Variants in GFRA1 observed in about 807,000 individuals in gnomAD.
GFRA1 encodes the protein GDNF family receptor alpha 1.
Under a neutral mutation model 51.6 loss-of-function variants are expected in GFRA1, and 16 were observed. The ratio of observed to expected loss-of-function variants is 0.31; its 90% CI spans 0.21 to 0.47. The LOEUF (loss-of-function observed/expected upper bound fraction) is 0.47, where lower values mean the gene tolerates loss of function less well. Ranked by LOEUF, GFRA1 falls within the 20% of genes least tolerant of loss-of-function variation. GFRA1 has a pLI of 1.00. For missense variants in GFRA1, 530 were observed against 594.3 expected (o/e 0.89, Z 1.13); for synonymous variants, 270 against 241.3 (o/e 1.12, Z -1.10).
chr10:116,217,358 C>T (rs1300230124), intron 4 of GFRA1, among the ~76,000 whole-genome samples: 1 of 152,208 alleles, frequency 6.6e-6, no homozygotes, highest in East Asian at 1.9e-4. Context: ...ATAGGAATAT[C>T]ATGAGGATCA....
chr10:116,148,629 G>A (rs1030389224), intron 5 of GFRA1, among the ~76,000 whole-genome samples: 1 of 152,150 alleles, frequency 6.6e-6, no homozygotes, highest in Non-Finnish European at 1.5e-5. Context: ...CACCCTGCCA[G>A]GACTCCCACG....
intron 4 of GFRA1, among the ~76,000 whole-genome samples, chr10:116,228,391 ACTCT>A (rs1025337644): frequency 3.9e-5 from 6 of 151,904 alleles, no homozygotes; most frequent in Non-Finnish European, 7.4e-5. Context: ...AGTCTAACCC[ACTCT>A]CTATTTCTGG....
chr10:116,271,233 G>C (rs556362225), intron 2 of GFRA1, 118 bp from the exon 3 acceptor site: 17 of 763,684 alleles, frequency 2.2e-5, no homozygotes, highest in Admixed American at 1.2e-4. Flanking sequence ...GGGGCGCCCT[G>C]CTCTGGGAGC....
intron 4 of GFRA1, among the ~76,000 whole-genome samples, chr10:116,268,207 T>C (rs796973898): frequency 3.6e-4 from 55 of 152,298 alleles, no homozygotes; most frequent in African/African-American, 1.3e-3. Context: ...TCAAACAAAT[T>C]TGAGTTTCAG....
At chr10:116,127,419 C>T (rs1194455323) in intron 5 of GFRA1, among the ~76,000 whole-genome samples, 3 of 152,304 alleles carry the variant, frequency 2.0e-5, no homozygotes, top group Middle Eastern at 6.8e-3. Flanking sequence ...ACCATTATTC[C>T]CTGGCGCCAT....
At position 116,072,860 on chromosome 10, in the gene GFRA1, C is replaced by T. The variant is rs1955463651; in HGVS notation, c.1198-7234G>A. Among the ~76,000 whole-genome samples, 3 of 152,250 alleles carry T rather than the reference C, an allele frequency of 2.0e-5. No homozygotes were observed. The South Asian group carries it at 6.2e-4, about 32-fold the overall frequency. On this transcript the variant is annotated intron_variant, in intron 9 of 10. Transcript: ENST00000355422. ...CATCCATGATTCCAGTCATTCCTGC[C>T]CTACTGTCCAAATCACAGGGTTGTG...
intron 5 of GFRA1, among the ~76,000 whole-genome samples, chr10:116,182,005 T>G (rs1962277581): frequency 6.6e-6 from 1 of 152,082 alleles, no homozygotes; most frequent in Non-Finnish European, 1.5e-5. Flanking sequence ...TAGTGAAATA[T>G]CATTTGCATT....
intron 5 of GFRA1, among the ~76,000 whole-genome samples, chr10:116,141,843 C>T (rs1296263061): frequency 6.6e-6 from 1 of 152,062 alleles, no homozygotes; most frequent in Non-Finnish European, 1.5e-5. Context: ...CTCAGCCTCC[C>T]AAATTGCTGG....
At chr10:116,197,303 C>T (rs1469191172) in intron 5 of GFRA1, among the ~76,000 whole-genome samples, 2 of 152,132 alleles carry the variant, frequency 1.3e-5, no homozygotes, top group African/African-American at 4.8e-5. Context: ...CATAAGGACA[C>T]AGCTAGAAGG....
chr10:116,270,561 G>A (rs539632486), intron 3 of GFRA1, among the ~76,000 whole-genome samples: 4 of 152,324 alleles, frequency 2.6e-5, no homozygotes, highest in African/African-American at 9.6e-5. Flanking sequence ...GCTCCGACCA[G>A]GTTTCAGAGA....
At chr10:116,125,744 T>G (rs185718874) in intron 5 of GFRA1, among the ~76,000 whole-genome samples, 187 bp from the exon 6 acceptor site, 170 of 152,078 alleles carry the variant, frequency 1.1e-3, no homozygotes, top group African/African-American at 3.9e-3. Flanking sequence ...ATACCAGGAG[T>G]CTACGGCAGC....
At chr10:116,141,776 G>GT (rs1253603714) in intron 5 of GFRA1, among the ~76,000 whole-genome samples, 1 of 152,110 alleles carries the variant, frequency 6.6e-6, no homozygotes, top group Non-Finnish European at 1.5e-5. Context: ...TACAGACGGG[G>GT]TTTTGCCAAG....
At chr10:116,168,021 C>T (rs954651735) in intron 5 of GFRA1, among the ~76,000 whole-genome samples, 1 of 152,022 alleles carries the variant, frequency 6.6e-6, no homozygotes, top group Non-Finnish European at 1.5e-5. Flanking sequence ...GATGACTGCA[C>T]TAAAATCTCA....
intron 4 of GFRA1, among the ~76,000 whole-genome samples, chr10:116,216,960 C>T (rs1349192219): frequency 1.3e-5 from 2 of 152,186 alleles, no homozygotes; most frequent in Non-Finnish European, 2.9e-5. Context: ...AAGCTCTGTA[C>T]ATAGACATGA....
chr10:116,217,261 T>C (rs1965626594), intron 4 of GFRA1, among the ~76,000 whole-genome samples: 1 of 152,166 alleles, frequency 6.6e-6, no homozygotes, highest in Admixed American at 6.5e-5. Context: ...CCTTACCAAG[T>C]GGACACCCGG....
intron 5 of GFRA1, among the ~76,000 whole-genome samples, chr10:116,133,213 C>T (rs1332993036): frequency 2.6e-5 from 4 of 152,080 alleles, no homozygotes; most frequent in Non-Finnish European, 5.9e-5. Context: ...CCAGCCTCGG[C>T]TCTGTATTAC....
intron 5 of GFRA1, among the ~76,000 whole-genome samples, chr10:116,156,843 C>G (rs1274734591): frequency 6.7e-6 from 1 of 148,448 alleles, no homozygotes; most frequent in East Asian, 1.9e-4. Flanking sequence ...TTTAGCTGTA[C>G]CCATTGTGTT....
At chr10:116,066,368 A>AC (rs1792125874) in intron 9 of GFRA1, among the ~76,000 whole-genome samples, 1 of 152,188 alleles carries the variant, frequency 6.6e-6, no homozygotes, top group African/African-American at 2.4e-5. Context: ...ACAGAGCAGT[A>AC]CAGATACTCA....
In GFRA1 at chr10:116,098,783, T is replaced by A. The variant is rs144195923; in HGVS notation, c.771-2019A>T. Among the ~76,000 whole-genome samples, 124 of 152,372 alleles carry A rather than the reference T, an allele frequency of 8.1e-4. No homozygotes were observed. In the South Asian group the frequency reaches 0.011, roughly 13 times the overall value. ...CAGCGAGAGACTAATGCCACCAGAC[T>A]CATTTTGCTTAACAACCTCGGAATT... On this transcript the variant is annotated intron_variant, in intron 6 of 10. Transcript: ENST00000355422.
Sources: allele counts gnomAD v4.1 joint callset (sites outside exome capture counted in the v4.1 genomes callset), GRCh38; gene constraint gnomAD v4.1.1; transcripts MANE v1.5; gene names NCBI Gene and HGNC (gene_info 2026-07-23, HGNC 2026-07-21).